BMPR1B: variants seen among roughly 807,000 people sequenced by gnomAD.
BMPR1B encodes the protein bone morphogenetic protein receptor type-1B.
Under a neutral mutation model 59.1 loss-of-function variants are expected in BMPR1B, and 12 were observed. That is an observed-to-expected ratio of 0.20 (90% confidence interval 0.13 to 0.33). BMPR1B has a LOEUF of 0.33. Among genes scored for constraint, BMPR1B ranks in the 10% least tolerant of loss-of-function variants. The pLI, the probability that BMPR1B is intolerant of heterozygous loss-of-function variation, is 1.00. For missense variants in BMPR1B, 550 were observed against 610.9 expected, an observed-to-expected ratio of 0.90 and a Z score of 1.05; for synonymous variants, 237 against 207.3, an observed-to-expected ratio of 1.14 and a Z score of -1.23.
chr4:94,952,470 C>G (rs1003961770), intron 2 of BMPR1B, among the ~76,000 whole-genome samples: 7 of 152,126 alleles, frequency 4.6e-5, no homozygotes, highest in Admixed American at 1.3e-4. Flanking sequence ...TCTTCGTTCT[C>G]ATTGGTTTCA....
chr4:94,962,275 C>A (rs936484955), intron 2 of BMPR1B, among the ~76,000 whole-genome samples: 2 of 151,858 alleles, frequency 1.3e-5, no homozygotes, highest in Non-Finnish European at 2.9e-5. Flanking sequence ...GTAGTGGGGA[C>A]TACAGGCGTG....
chr4:94,804,993 A>C (rs1378575770), intron 1 of BMPR1B, among the ~76,000 whole-genome samples: 2 of 152,204 alleles, frequency 1.3e-5, no homozygotes, highest in Admixed American at 6.5e-5. Flanking sequence ...GCCAGGATGT[A>C]CACTTTTCTG....
rs1211738261 is a variant in BMPR1B, at chr4:95,158,235, G to A, written c.*3562G>A. 6.6e-6 allele frequency: 1 copy of A among 152,064 alleles called. No homozygotes were observed. Among genetic ancestry groups the A allele is most frequent in the Non-Finnish European group, 1.5e-5 (1 of 67,990 alleles). 9.4% of individuals were successfully genotyped at this position (152,064 alleles called of 1,614,324 possible). ...ACAAAAAAACAATGCCATATTTTTT[G>A]GAGAAAAGTTGGCAATATAGGGGTT... On this transcript the variant is annotated 3_prime_UTR_variant, in exon 13 of 13. Transcript: ENST00000515059.
At chr4:95,001,809 T>C (rs1170441403) in intron 3 of BMPR1B, among the ~76,000 whole-genome samples, 2 of 152,142 alleles carry the variant, frequency 1.3e-5, no homozygotes, top group African/African-American at 4.8e-5. Context: ...AAAACAAGTT[T>C]GTTTTGTACC....
intron 1 of BMPR1B, among the ~76,000 whole-genome samples, chr4:94,837,012 G>C (rs1160601921): frequency 7.0e-6 from 1 of 143,312 alleles, no homozygotes; most frequent in Non-Finnish European, 1.5e-5. Flanking sequence ...TTATTAAATA[G>C]GGAATCCTTT....
intron 2 of BMPR1B, among the ~76,000 whole-genome samples, chr4:94,962,151 CT>C (rs1730393488): frequency 3.3e-5 from 1 of 30,196 alleles, no homozygotes; most frequent in Admixed American, 3.1e-4. Flanking sequence ...TTTCTTTTTT[CT>C]TTTTTTTGAC....
At chr4:94,992,752 T>C (rs1279296217) in intron 2 of BMPR1B, among the ~76,000 whole-genome samples, 1 of 152,208 alleles carries the variant, frequency 6.6e-6, no homozygotes, top group African/African-American at 2.4e-5. Context: ...TACAGCATCA[T>C]ACAGAGTAGT....
chr4:94,874,940 C>A (rs1401610613), intron 1 of BMPR1B, among the ~76,000 whole-genome samples: 2 of 152,090 alleles, frequency 1.3e-5, no homozygotes, highest in Admixed American at 1.3e-4. Flanking sequence ...TTGCAGTGAG[C>A]CGAGATCGCG....
At chr4:94,772,027 A>T (rs1431622150) in intron 1 of BMPR1B, among the ~76,000 whole-genome samples, 1 of 152,348 alleles carries the variant, frequency 6.6e-6, no homozygotes, top group South Asian at 2.1e-4. Context: ...GAAGAGTTTC[A>T]TCTTGTAACT....
intron 2 of BMPR1B, among the ~76,000 whole-genome samples, chr4:94,880,027 C>T (rs1726897280): frequency 6.6e-6 from 1 of 151,850 alleles, no homozygotes; most frequent in South Asian, 2.1e-4. Context: ...TTTTATGGAA[C>T]ATCTTATTAT....
intron 3 of BMPR1B, among the ~76,000 whole-genome samples, chr4:95,014,826 A>G (rs1723474067): frequency 6.6e-6 from 1 of 152,178 alleles, no homozygotes; most frequent in South Asian, 2.1e-4. Context: ...GTTATTTCCC[A>G]GTGACTGGTG....
intron 2 of BMPR1B, among the ~76,000 whole-genome samples, chr4:94,980,374 A>G (rs901224036): frequency 6.6e-6 from 1 of 152,122 alleles, no homozygotes; most frequent in Non-Finnish European, 1.5e-5. Flanking sequence ...CCTCTGGTAA[A>G]TTCCTCTGTG....
At chr4:94,821,382 CAG>C (rs942617146) in intron 1 of BMPR1B, among the ~76,000 whole-genome samples, 2 of 151,988 alleles carry the variant, frequency 1.3e-5, no homozygotes, top group Non-Finnish European at 2.9e-5. Flanking sequence ...GAAGTTTTCT[CAG>C]AAAATAATTT....
At chr4:94,964,679 G>T (rs1730490130) in intron 2 of BMPR1B, among the ~76,000 whole-genome samples, 1 of 152,128 alleles carries the variant, frequency 6.6e-6, no homozygotes, top group Non-Finnish European at 1.5e-5. Flanking sequence ...AATCCCTAGG[G>T]CCTCATGGGA....
intron 3 of BMPR1B, among the ~76,000 whole-genome samples, chr4:95,053,323 G>GTGTGTGTGTGTGTGTGT (rs1726663706): frequency 7.9e-5 from 11 of 139,364 alleles, no homozygotes; most frequent in Non-Finnish European, 1.3e-4. Context: ...GTGTGTGTGT[G>GTGTGTGTGTGTGTGTGT]ATGTGCCTGT....
chr4:94,962,068 TTTCTTTCCTTCCTTCC>T (rs1730379743), intron 2 of BMPR1B, among the ~76,000 whole-genome samples: 1 of 126,882 alleles, frequency 7.9e-6, no homozygotes. Flanking sequence ...TTTTCTTTCT[TTTCTTTCCTTCCTTCC>T]TTCCTTCCTT....
chr4:94,936,752 G>A (rs536170871), intron 2 of BMPR1B, among the ~76,000 whole-genome samples: 2 of 152,174 alleles, frequency 1.3e-5, no homozygotes, highest in African/African-American at 4.8e-5. Flanking sequence ...GTTAAATGTT[G>A]ATGTTGCTCA....
chr4:94,983,313 A>G (rs899176300), intron 2 of BMPR1B, among the ~76,000 whole-genome samples: 21 of 152,144 alleles, frequency 1.4e-4, no homozygotes, highest in African/African-American at 5.1e-4. Context: ...TGTAAAGTCC[A>G]TGAGAGAAGA....
At chr4:94,995,181 G>C (rs1721983095) in intron 2 of BMPR1B, among the ~76,000 whole-genome samples, 1 of 152,056 alleles carries the variant, frequency 6.6e-6, no homozygotes, top group South Asian at 2.1e-4. Context: ...GTACTGTAGT[G>C]TCATGGCTTG....
Sources: gnomAD v4.1 joint callset for allele counts (sites outside exome capture counted in the v4.1 genomes callset) on GRCh38, gnomAD v4.1.1 for gene constraint, MANE v1.5 for transcripts, NCBI Gene and HGNC (gene_info 2026-07-23, HGNC 2026-07-21) for gene names.